TAOK1: variants seen among roughly 807,000 people sequenced by gnomAD.
TAOK1 encodes the protein TAO kinase 1.
TAOK1 carries 21 observed loss-of-function variants against 138.3 expected under a neutral mutation model. The ratio of observed to expected loss-of-function variants is 0.15; its 90% CI spans 0.11 to 0.22. TAOK1 has a LOEUF of 0.22. TAOK1 is among the 10% of genes least tolerant of loss of function. The pLI, the probability that TAOK1 is intolerant of heterozygous loss-of-function variation, is 1.00. For missense variants in TAOK1, 651 were observed against 1,227.7 expected, an observed-to-expected ratio of 0.53 and a Z score of 7.02; for synonymous variants, 361 against 398.4, an observed-to-expected ratio of 0.91 and a Z score of 1.12.
intron 1 of TAOK1, among the ~76,000 whole-genome samples, chr17:29,396,477 T>C (rs533568829): frequency 1.9e-4 from 29 of 152,340 alleles, no homozygotes; most frequent in African/African-American, 7.0e-4. Flanking sequence ...TTAAATATAA[T>C]GGCACTTAAT....
At chr17:29,539,023 G>A (rs1341020872) in intron 19 of TAOK1, among the ~76,000 whole-genome samples, 6 of 152,248 alleles carry the variant, frequency 3.9e-5, no homozygotes, top group Non-Finnish European at 5.9e-5. Context: ...TCGGAAGGCC[G>A]AGTGGGGCGG....
chr17:29,529,872 A>C (rs2032073344), intron 17 of TAOK1, among the ~76,000 whole-genome samples: 1 of 151,670 alleles, frequency 6.6e-6, no homozygotes, highest in African/African-American at 2.4e-5. Flanking sequence ...AAAAAAAAAA[A>C]AAAAATTAGC....
intron 1 of TAOK1, among the ~76,000 whole-genome samples, chr17:29,407,171 G>A (rs1380183645): frequency 6.6e-6 from 1 of 152,070 alleles, no homozygotes; most frequent in Non-Finnish European, 1.5e-5. Flanking sequence ...GGCACATACA[G>A]GAATGGGGAC....
intron 1 of TAOK1, among the ~76,000 whole-genome samples, chr17:29,450,570 GGT>G (rs1370095664): frequency 1.3e-5 from 2 of 152,074 alleles, no homozygotes; most frequent in Non-Finnish European, 2.9e-5. Flanking sequence ...GGAGTGCGGT[GGT>G]GTGATCATAG....
chr17:29,515,209 G>A (rs1022842920), intron 15 of TAOK1, among the ~76,000 whole-genome samples: 3 of 151,954 alleles, frequency 2.0e-5, no homozygotes, highest in Non-Finnish European at 4.4e-5. Context: ...ATTCTCCCAT[G>A]GTTTTGTTTA....
At chr17:29,523,280 GAAA>G (rs754064179) in intron 17 of TAOK1, among the ~76,000 whole-genome samples, 1 of 141,906 alleles carries the variant, frequency 7.0e-6, no homozygotes. Context: ...CTACTAGTTA[GAAA>G]AAAAAAAAAC....
At chr17:29,457,669 G>C (rs1455204881) in intron 2 of TAOK1, among the ~76,000 whole-genome samples, 1 of 151,412 alleles carries the variant, frequency 6.6e-6, no homozygotes, top group Non-Finnish European at 1.5e-5. Context: ...GCCTCCCAAA[G>C]TGCTGGGATT....
chr17:29,510,870 G>T lies in TAOK1; in HGVS notation c.1582G>T (p.Val528Leu), dbSNP rs2031708051. 2 of 1,598,848 alleles carry T rather than the reference G, an allele frequency of 1.3e-6. No individual in the cohort carries two copies. Among genetic ancestry groups the T allele is most frequent in the African/African-American group, 1.3e-5 (1 of 74,124 alleles). The change falls in exon 15 of 20, where the codon GTG becomes TTG. Residue 528 changes from valine to leucine, a missense_variant. Transcript: ENST00000261716. ...HQAAMEKEAK[V>L]MSNEEKKFQQ... Reference sequence around the variant, plus strand: ...TTTTTTAAACTTCATATAGGCTAAAGTGATGTCCAATGAAGAGAAAAAATT... The same window carrying T: ...TTTTTTAAACTTCATATAGGCTAAATTGATGTCCAATGAAGAGAAAAAATT...
At chr17:29,396,583 T>G (rs1397508840) in intron 1 of TAOK1, among the ~76,000 whole-genome samples, 1 of 152,220 alleles carries the variant, frequency 6.6e-6, no homozygotes, top group African/African-American at 2.4e-5. Flanking sequence ...TAGAAGTAGA[T>G]GAATTACTGT....
chr17:29,421,432 G>A (rs966443072), intron 1 of TAOK1, among the ~76,000 whole-genome samples: 1 of 152,142 alleles, frequency 6.6e-6, no homozygotes, highest in Non-Finnish European at 1.5e-5. Context: ...TCATGGTAAT[G>A]TTGACCTCAT....
chr17:29,482,745 T>C (rs781577292), intron 8 of TAOK1, among the ~76,000 whole-genome samples: 2 of 151,730 alleles, frequency 1.3e-5, no homozygotes, highest in Non-Finnish European at 2.9e-5. Context: ...TATACATATT[T>C]TTTTTTTTTA....
At chr17:29,424,390 T>G (rs1598475525) in intron 1 of TAOK1, among the ~76,000 whole-genome samples, 1 of 124,994 alleles carries the variant, frequency 8.0e-6, no homozygotes, top group Non-Finnish European at 1.6e-5. Context: ...TGACCCAAGA[T>G]CCCGCCACTG....
Position 29,535,015 on chromosome 17 carries a change from G to A in TAOK1, c.2544+715G>A, listed in dbSNP as rs1047679470. ...GATTTTGAGAGGTAAAGAGAAGAAA[G>A]GCATTTGTTGCAAGAAGTGGTAGAT... On this transcript the variant is annotated intron_variant, in intron 19 of 19. Coordinates refer to ENST00000261716, the MANE Select transcript of TAOK1 (RefSeq NM_020791.4). Among the ~76,000 whole-genome samples, 33 of 151,762 alleles carry A rather than the reference G, an allele frequency of 2.2e-4. 1 individual carries two copies. The highest frequency in any genetic ancestry group is 1.6e-4 in the Non-Finnish European group (11 of 67,996).
At chr17:29,533,625 G>A (rs908519070) in intron 18 of TAOK1, among the ~76,000 whole-genome samples, 11 of 152,086 alleles carry the variant, frequency 7.2e-5, no homozygotes, top group East Asian at 3.9e-4. Flanking sequence ...GATCACTTGC[G>A]GTTAGGAGCT....
chr17:29,424,436 C>CAAAA (rs781589064), intron 1 of TAOK1, among the ~76,000 whole-genome samples: 6 of 71,974 alleles, frequency 8.3e-5, no homozygotes, highest in African/African-American at 1.1e-4. Context: ...GACTCCCTCT[C>CAAAA]AAAAAAAAAA....
Position 29,460,131 on chromosome 17 carries a change from A to G in TAOK1, c.133-7014A>G, listed in dbSNP as rs370718527. ...AAAGACCCATCTTGGCAAAATATCA[A>G]TGATTTAACTTTTTCAAAATAAAAC... On this transcript the variant is annotated intron_variant, in intron 2 of 19. Coordinates refer to ENST00000261716, the MANE Select transcript of TAOK1 (RefSeq NM_020791.4). Among the ~76,000 whole-genome samples the G allele has an allele frequency of 6.3e-4, 96 of 152,362 alleles. 3 individuals carry two copies. In the South Asian group the frequency reaches 0.02, roughly 31 times the overall value.
At chr17:29,472,533 G>A (rs550098964) in intron 3 of TAOK1, among the ~76,000 whole-genome samples, 197 of 148,612 alleles carry the variant, frequency 1.3e-3, no homozygotes, top group African/African-American at 4.6e-3. Flanking sequence ...GATTACAGGC[G>A]TGAACCACCA....
At chr17:29,453,982 T>A (rs1443507039) in intron 2 of TAOK1, among the ~76,000 whole-genome samples, 1 of 150,888 alleles carries the variant, frequency 6.6e-6, no homozygotes, top group Non-Finnish European at 1.5e-5. Context: ...CTAATTTTTT[T>A]GCTTTTTTTT....
In TAOK1 at chr17:29,546,183, A is replaced by G. The variant is rs1020002448; in HGVS notation, c.*3161A>G. 6.6e-6 allele frequency: 1 copy of G among 152,102 alleles called. No homozygotes were observed. Among genetic ancestry groups the G allele is most frequent in the East Asian group, 1.9e-4 (1 of 5,194 alleles). The allele number at this position is 152,102 out of a possible 1,614,324, so 9.4% of individuals were successfully genotyped here. A position where few individuals can be genotyped will look rare whatever the true frequency, so the allele number is the denominator to read the frequency against. On this transcript the variant is annotated 3_prime_UTR_variant, in exon 20 of 20. Coordinates refer to ENST00000261716, the MANE Select transcript of TAOK1 (RefSeq NM_020791.4). ...GCTGCAATTCTTATTCGCCATTTCA[A>G]TACCTAGAGATAGAGAGTCTTGTAT...
Sources: gnomAD v4.1 joint callset for allele counts (sites outside exome capture counted in the v4.1 genomes callset) on GRCh38, gnomAD v4.1.1 for gene constraint, MANE v1.5 for transcripts, NCBI Gene and HGNC (gene_info 2026-07-23, HGNC 2026-07-21) for gene names.